The following SSH2 variants were observed in gnomAD, a reference collection of about 807,000 sequenced individuals.
The protein encoded by SSH2 is slingshot protein phosphatase 2.
In SSH2, 37 loss-of-function variants were observed where a neutral mutation model predicts 135.2. That is an observed-to-expected ratio of 0.27 (90% CI 0.21 to 0.36). The LOEUF (loss-of-function observed/expected upper bound fraction) is 0.36, where lower values mean the gene tolerates loss of function less well. Among genes scored for constraint, SSH2 ranks in the 10% least tolerant of loss-of-function variants. The probability of loss-of-function intolerance (pLI) is 1.00; values close to 1 mark genes in which losing one functional copy is unlikely to be tolerated. For synonymous variants in SSH2, 628 were observed against 646.2 expected, an observed-to-expected ratio of 0.97 and a Z score of 0.43; for missense variants, 1,408 against 1,765.3, an observed-to-expected ratio of 0.80 and a Z score of 3.63.
At chr17:29,809,507 G>C (rs2042404459) in intron 2 of SSH2, among the ~76,000 whole-genome samples, 1 of 151,838 alleles carries the variant, frequency 6.6e-6, no homozygotes, top group African/African-American at 2.4e-5. Context: ...TGTTCCCTCT[G>C]CCTAGAATAC....
rs1251028760 is a variant in SSH2, at chr17:29,856,994, G to T, written c.64-8065C>A. Among the ~76,000 whole-genome samples the T allele has an allele frequency of 1.2e-4, 18 of 152,090 alleles. 1 individual carries two copies. The highest frequency in any genetic ancestry group is 1.2e-3 in the Admixed American group (18 of 15,276). On this transcript the variant is annotated intron_variant, in intron 1 of 15. Transcript: ENST00000540801. ...CAACATGTCGGAATTCAAGATTTGG[G>T]TGGGGATGCAGCCAAACCATATCAT...
chr17:29,647,167 CAGG>C (rs1346906426), intron 14 of SSH2, among the ~76,000 whole-genome samples: 1 of 151,262 alleles, frequency 6.6e-6, no homozygotes, highest in Non-Finnish European at 1.5e-5. Flanking sequence ...GAGGCTGAGG[CAGG>C]AGAATGGCGT....
intron 13 of SSH2, among the ~76,000 whole-genome samples, chr17:29,649,065 TG>T (rs903848720): frequency 6.6e-5 from 10 of 151,152 alleles, no homozygotes; most frequent in African/African-American, 2.4e-4. Context: ...TGCTTAAACC[TG>T]GGAGGCGGAG....
chr17:29,627,172 A>T lies in SSH2; in HGVS notation c.*3669T>A, dbSNP rs941026966. On this transcript the variant is annotated 3_prime_UTR_variant, in exon 16 of 16. Coordinates refer to ENST00000540801, the MANE Select transcript of SSH2 (RefSeq NM_001282129.2). ...GGCCGACAAGATGATGCACATTTTA[A>T]TATTCAAAATGTAAACAAAGTATCC... 6.6e-6 allele frequency: 1 copy of T among 152,668 alleles called. No homozygotes were observed. The highest frequency in any genetic ancestry group is 1.5e-5 in the Non-Finnish European group (1 of 68,042). The allele number at this position is 152,668 out of a possible 1,614,324, so 9.5% of individuals were successfully genotyped here. A position where few individuals can be genotyped will look rare whatever the true frequency, so the allele number is the denominator to read the frequency against.
At chr17:29,776,933 T>C (rs1422059533) in intron 3 of SSH2, among the ~76,000 whole-genome samples, 2 of 152,258 alleles carry the variant, frequency 1.3e-5, no homozygotes, top group African/African-American at 4.8e-5. Flanking sequence ...AATTCATGGC[T>C]GGGCATGGTG....
intron 3 of SSH2, among the ~76,000 whole-genome samples, chr17:29,772,108 GT>G (rs10718057): frequency 0.6 from 90,085 of 149,912 alleles, 29,338 homozygotes; most frequent in African/African-American, 0.87. Flanking sequence ...AAAAGATGTG[GT>G]TTTTTTTTTT....
chr17:29,770,303 T>A (rs1173047667), intron 3 of SSH2, among the ~76,000 whole-genome samples: 1 of 151,800 alleles, frequency 6.6e-6, no homozygotes, highest in Non-Finnish European at 1.5e-5. Flanking sequence ...GAGACAAGGT[T>A]TTGCCACCTT....
intron 3 of SSH2, among the ~76,000 whole-genome samples, chr17:29,724,528 CA>C (rs1174810786): frequency 1.4e-3 from 86 of 60,606 alleles, no homozygotes; most frequent in South Asian, 2.7e-3. Flanking sequence ...AACTCTGTCT[CA>C]AAAAAAAAAA....
At chr17:29,743,735 C>T (rs571327828) in intron 3 of SSH2, among the ~76,000 whole-genome samples, 2 of 152,036 alleles carry the variant, frequency 1.3e-5, no homozygotes, top group African/African-American at 4.8e-5. Flanking sequence ...AGATAACTAG[C>T]TAGTCTACTA....
chr17:29,656,425 C>G (rs1238805027), intron 11 of SSH2, among the ~76,000 whole-genome samples: 2 of 152,262 alleles, frequency 1.3e-5, no homozygotes, highest in Non-Finnish European at 2.9e-5. Flanking sequence ...ATCCACCCGC[C>G]TCAGCCTCCC....
chr17:29,722,822 T>C (rs573024839), intron 3 of SSH2, among the ~76,000 whole-genome samples: 2 of 152,348 alleles, frequency 1.3e-5, no homozygotes, highest in African/African-American at 4.8e-5. Context: ...TCTGCCTTTG[T>C]GCAAGACTGG....
chr17:29,632,889 G>A lies in SSH2; in HGVS notation c.2305C>T (p.His769Tyr). ...LVSPDIFMQS[H>Y]SENAISVKEI... ...TTGACTGAAATTGCATTTTCCGAGT[G>A]AGACTGCATGAAGATGTCTGGGCTG... Residue 769 changes from histidine (H) to tyrosine (Y), a missense_variant, in exon 16 of 16, where the codon CAC (histidine) becomes TAC (tyrosine). By Grantham distance (83) the His-to-Tyr change is moderately conservative. Around this residue, in one of 3 missense-constraint regions of SSH2, gnomAD observed 1,080 missense variants for 1,144.5 expected, o/e 0.94. Coordinates refer to ENST00000540801, the MANE Select transcript of SSH2 (RefSeq NM_001282129.2). 6.2e-7 allele frequency: 1 copy of A among 1,613,716 alleles called. No homozygotes were observed.
At chr17:29,696,174 TACACACAC>T (rs199942164) in intron 4 of SSH2, among the ~76,000 whole-genome samples, 141 of 137,158 alleles carry the variant, frequency 1.0e-3, no homozygotes, top group African/African-American at 3.4e-3. Flanking sequence ...TGTATATATA[TACACACAC>T]ACACACACAC....
chr17:29,827,387 G>A (rs1265326351), intron 2 of SSH2, among the ~76,000 whole-genome samples: 1 of 152,170 alleles, frequency 6.6e-6, no homozygotes, highest in East Asian at 1.9e-4. Context: ...CAGTTTGATT[G>A]TTTCCTTGGC....
At chr17:29,635,643 T>G (rs543625751) in intron 15 of SSH2, among the ~76,000 whole-genome samples, 2 of 151,850 alleles carry the variant, frequency 1.3e-5, no homozygotes, top group South Asian at 4.2e-4. Context: ...CTCCTGACCT[T>G]GTGATCCGCC....
intron 2 of SSH2, among the ~76,000 whole-genome samples, chr17:29,798,213 T>C (rs1003149009): frequency 6.6e-6 from 1 of 152,130 alleles, no homozygotes; most frequent in Non-Finnish European, 1.5e-5. Flanking sequence ...CTTGTTCTGT[T>C]GCCCAGGCTG....
At chr17:29,851,571 C>T (rs2065560420) in intron 1 of SSH2, among the ~76,000 whole-genome samples, 1 of 151,620 alleles carries the variant, frequency 6.6e-6, no homozygotes, top group Non-Finnish European at 1.5e-5. Context: ...CCAGCCTGGG[C>T]AATAAGAGCG....
intron 3 of SSH2, among the ~76,000 whole-genome samples, chr17:29,724,287 G>A (rs2039915700): frequency 1.3e-5 from 2 of 152,122 alleles, no homozygotes; most frequent in Admixed American, 6.5e-5. Context: ...CCAGCACTTC[G>A]GGAGGCCGAG....
chr17:29,669,836 C>T (rs2037419418), intron 9 of SSH2, among the ~76,000 whole-genome samples: 1 of 151,220 alleles, frequency 6.6e-6, no homozygotes, highest in Admixed American at 6.6e-5. Context: ...CTTTCTTCCT[C>T]TCTTCTTGTT....
Sources: allele counts gnomAD v4.1 joint callset (sites outside exome capture counted in the v4.1 genomes callset), GRCh38; gene constraint gnomAD v4.1.1; regional missense constraint gnomAD v4.1.1; transcripts MANE v1.5; gene names NCBI Gene and HGNC (gene_info 2026-07-23, HGNC 2026-07-21).